The following EPB42 variants were observed in gnomAD, a reference collection of about 807,000 sequenced individuals.
EPB42 encodes the protein erythrocyte membrane protein band 4.2.
Under a neutral mutation model 76.9 loss-of-function variants are expected in EPB42, and 49 were observed. That is an observed-to-expected ratio of 0.64 (90% CI 0.51 to 0.81). The LOEUF (loss-of-function observed/expected upper bound fraction) is 0.81. Among genes scored for constraint, EPB42 ranks in the 30% least tolerant of loss-of-function variants. The pLI, the probability that EPB42 is intolerant of heterozygous loss-of-function variation, is 0.00. For missense variants in EPB42, 731 were observed against 867.6 expected, an observed-to-expected ratio of 0.84 and a Z score of 1.98; for synonymous variants, 310 against 338.4, an observed-to-expected ratio of 0.92 and a Z score of 0.92.
intron 1 of EPB42, among the ~76,000 whole-genome samples, chr15:43,218,180 G>A (rs2042405533): frequency 6.6e-6 from 1 of 152,176 alleles, no homozygotes; most frequent in South Asian, 2.1e-4. Context: ...CACAAAGCTC[G>A]TGCTGGGGCC....
At chr15:43,222,220 T>C (rs1295514909), upstream of EPB42, among the ~76,000 whole-genome samples, 1 of 152,138 alleles carries the variant, frequency 6.6e-6, no homozygotes, top group African/African-American at 2.4e-5. Flanking sequence ...CCTGGAAAAC[T>C]TGAATCTACT....
Position 43,207,393 on chromosome 15 carries a change from G to C in EPB42, c.1124C>G (p.Thr375Arg). The C allele has an allele frequency of 6.2e-7, 1 of 1,614,144 alleles. No individual in the cohort carries two copies. ...LVPVRAVKEGTLGLTPAVSDL... is the reference protein window; with the variant it reads ...LVPVRAVKEGRLGLTPAVSDL... ...TGACACTGCTGGGGTCAGCCCCAGC[G>C]TCCCCTCCTTGACTGCTCTGACCGG... Residue 375 changes from threonine to arginine, a missense_variant, in exon 9 of 13, where the codon ACG (threonine) becomes AGG (arginine). Coordinates refer to ENST00000441366, the MANE Select transcript of EPB42 (RefSeq NM_001114134.2).
At chr15:43,202,783 A>G (rs1425120221) in intron 11 of EPB42, among the ~76,000 whole-genome samples, 1 of 152,170 alleles carries the variant, frequency 6.6e-6, no homozygotes, top group African/African-American at 2.4e-5. Context: ...TCTACCTCAC[A>G]GGGCTTAGAA....
rs371132700 is a variant in EPB42, at chr15:43,203,285, A to G, written c.1619-10T>C. 59 of 1,614,180 alleles carry G rather than the reference A, an allele frequency of 3.7e-5. No individual in the cohort carries two copies. In the African/African-American group the frequency reaches 5.1e-4, roughly 14 times the overall value. ...ATGGTTATTATCTTTTCTGAAACACATGACAGGTGGAGTCAGTGGCAACAG... is the reference window on the plus strand; with the variant it reads ...ATGGTTATTATCTTTTCTGAAACACGTGACAGGTGGAGTCAGTGGCAACAG... On this transcript the variant is annotated splice_polypyrimidine_tract_variant and intron_variant, in intron 10 of 12. Transcript: ENST00000441366.
Position 43,211,545 on chromosome 15 carries a change from G to T in EPB42, c.431-11C>A, listed in dbSNP as rs2142302350. 2 of 1,586,708 alleles carry T rather than the reference G, an allele frequency of 1.3e-6. No individual in the cohort carries two copies. ...GGAACACAGCATCCTCTGGTGAGAG[G>T]TGGGTAGGGATGAGGGCCTGTGGGG... On this transcript the variant is annotated splice_polypyrimidine_tract_variant and intron_variant, in intron 3 of 12. Transcript: ENST00000441366.
chr15:43,225,032 C>A (rs2042495177), upstream of EPB42, among the ~76,000 whole-genome samples: 1 of 152,266 alleles, frequency 6.6e-6, no homozygotes, highest in African/African-American at 2.4e-5. Flanking sequence ...CCTTGGCCTC[C>A]CAAAGTGTTG....
chr15:43,207,467 A>T, intron 8 of EPB42, 26 bp from the exon 9 acceptor site: 1 of 1,611,784 alleles, frequency 6.2e-7, no homozygotes, highest in Non-Finnish European at 8.5e-7. Context: ...GTTGGTGAGC[A>T]TGGGAGCTGC....
At chr15:43,221,336 C>T (rs1483327518), upstream of EPB42, among the ~76,000 whole-genome samples, 1 of 152,172 alleles carries the variant, frequency 6.6e-6, no homozygotes, top group Non-Finnish European at 1.5e-5. Context: ...GCAAGATGTT[C>T]ATGGGCTGTT....
intron 11 of EPB42, 95 bp from the exon 12 acceptor site, chr15:43,202,072 C>A: frequency 6.4e-7 from 1 of 1,570,484 alleles, no homozygotes; most frequent in Non-Finnish European, 8.7e-7. Flanking sequence ...CAGTAAGTTT[C>A]CTCATCTCTG....
chr15:43,208,559 TG>T, intron 7 of EPB42, 77 bp downstream of exon 7: 1 of 1,588,492 alleles, frequency 6.3e-7, no homozygotes, highest in South Asian at 1.1e-5. Flanking sequence ...ATGCAGGGGG[TG>T]GGGCTCCTGC....
At chr15:43,199,536 G>T (rs1024756969) in intron 12 of EPB42, among the ~76,000 whole-genome samples, 2 of 152,152 alleles carry the variant, frequency 1.3e-5, no homozygotes, top group African/African-American at 4.8e-5. Flanking sequence ...AGGCTCATAG[G>T]CAGAAGGGAC....
At chr15:43,204,306 C>A (rs2042168873) in intron 10 of EPB42, among the ~76,000 whole-genome samples, 1 of 152,178 alleles carries the variant, frequency 6.6e-6, no homozygotes, top group Admixed American at 6.5e-5. Context: ...CCTTACTCTG[C>A]TTTTCCTCTG....
At chr15:43,220,681 G>A (rs747147312) in intron 1 of EPB42, 135 bp downstream of exon 1, 9 of 692,230 alleles carry the variant, frequency 1.3e-5, no homozygotes, top group African/African-American at 2.8e-5. Context: ...ATTATCACCA[G>A]TACCCCCTCC....
At chr15:43,215,351 C>G in intron 2 of EPB42, 23 bp from the exon 3 acceptor site, 1 of 1,609,860 alleles carries the variant, frequency 6.2e-7, no homozygotes, top group Admixed American at 1.7e-5. Context: ...GGTGATTAGT[C>G]TGTCACTGGG....
chr15:43,221,058 A>T, upstream of EPB42: 1 of 542,646 alleles, frequency 1.8e-6, no homozygotes, highest in Non-Finnish European at 3.3e-6. Flanking sequence ...AGTTACTGGG[A>T]GTAACCCTGT....
intron 3 of EPB42, among the ~76,000 whole-genome samples, chr15:43,211,846 G>A (rs2042302797): frequency 6.6e-6 from 1 of 150,986 alleles, no homozygotes; most frequent in African/African-American, 2.4e-5. Flanking sequence ...AAGCAGGACA[G>A]TTTGAGGCCA....
At position 43,197,294 on chromosome 15, in the gene EPB42, C is replaced by G. The variant is rs1424646533; in HGVS notation, c.*8G>C. On this transcript the variant is annotated 3_prime_UTR_variant, in exon 13 of 13. Transcript: ENST00000441366. ...GGTTGGCAGGAGAGTGGTGATAGAG[C>G]TGGAAGTTTAAGCTGATAGTTCAGG... 6.2e-7 allele frequency: 1 copy of G among 1,614,150 alleles called. No individual in the cohort carries two copies. The highest frequency in any genetic ancestry group is 8.5e-7 in the Non-Finnish European group (1 of 1,180,024).
chr15:43,207,400 CCTT>C lies in EPB42; in HGVS notation c.1114_1116del (p.Lys372del), dbSNP rs1411281246. 3 of 1,614,060 alleles carry C rather than the reference CCTT, an allele frequency of 1.9e-6. No individual in the cohort carries two copies. The highest frequency in any genetic ancestry group is 1.3e-5 in the African/African-American group (1 of 74,944). On this transcript the variant is annotated inframe_deletion, in exon 9 of 13. Transcript: ENST00000441366. The stretch of plus-strand genomic sequence containing the variant: ...GCTGGGGTCAGCCCCAGCGTCCCCT[CCTT>C]GACTGCTCTGACCGGCACCAGATCA...
chr15:43,209,851 G>A (rs1259808797), intron 5 of EPB42, among the ~76,000 whole-genome samples: 1 of 152,250 alleles, frequency 6.6e-6, no homozygotes, highest in East Asian at 1.9e-4. Context: ...CATCTTTTCA[G>A]AGGGGACTTC....
Sources: gnomAD v4.1 joint callset for allele counts (sites outside exome capture counted in the v4.1 genomes callset) on GRCh38, gnomAD v4.1.1 for gene constraint, MANE v1.5 for transcripts, NCBI Gene and HGNC (gene_info 2026-07-23, HGNC 2026-07-21) for gene names.